Variants in PUS10 observed in about 807,000 individuals in gnomAD.
PUS10 encodes tRNA pseudouridine synthase Pus10.
PUS10 carries 59 observed loss-of-function variants against 75.0 expected under a neutral mutation model. The observed-to-expected ratio is 0.79, with a 90% CI of 0.64 to 0.98. The LOEUF (loss-of-function observed/expected upper bound fraction) is 0.98. Among genes scored for constraint, PUS10 ranks in the 50% least tolerant of loss-of-function variants. The pLI, the probability that PUS10 is intolerant of heterozygous loss-of-function variation, is 0.00. For missense variants in PUS10, 650 were observed against 614.4 expected, an observed-to-expected ratio of 1.06 and a Z score of -0.61; for synonymous variants, 219 against 211.6, an observed-to-expected ratio of 1.03 and a Z score of -0.30.
chr2:60,967,597 G>C lies in PUS10; in HGVS notation c.520C>G (p.Leu174Val). The C allele has an allele frequency of 1.9e-6, 3 of 1,601,902 alleles. No individual in the cohort carries two copies. The highest frequency in any genetic ancestry group is 2.6e-6 in the Non-Finnish European group (3 of 1,174,962). Residue 174 changes from leucine (L) to valine (V), a missense_variant, in exon 6 of 18, where the codon CTG becomes GTG. Leu to Val is a conservative substitution (Grantham distance 32). Transcript: ENST00000316752. Reference protein sequence around the residue: ...KQEMGKQSLSLGRDDIVQLKE... With the variant: ...KQEMGKQSLSVGRDDIVQLKE... ...AGCTGAACTATATCATCTCTTCCCA[G>C]CGACAGACTCTGCTTTCTGAATAAC...
rs577306644 is a variant in PUS10 at position 60,950,566 on chromosome 2, C to T, written c.1309-2381G>A. The stretch of plus-strand genomic sequence containing the variant: ...CCAAGTAGCTGGGACTACAGGCATG[C>T]GCCACCACACCTGGCTAATTTTTTG... On this transcript the variant is annotated intron_variant, in intron 15 of 17. Coordinates refer to ENST00000316752, the MANE Select transcript of PUS10 (RefSeq NM_144709.4). Among the ~76,000 whole-genome samples, 75 of 152,172 alleles carry T rather than the reference C, an allele frequency of 4.9e-4. 2 individuals carry two copies. Among genetic ancestry groups the T allele is most frequent in the African/African-American group, 1.1e-3 (47 of 41,508 alleles).
intron 4 of PUS10, among the ~76,000 whole-genome samples, chr2:60,993,676 A>C (rs781747805): frequency 1.3e-5 from 2 of 152,198 alleles, no homozygotes; most frequent in Non-Finnish European, 2.9e-5. Context: ...AATATCAGTG[A>C]GGAAAAATAT....
intron 8 of PUS10, 60 bp from the exon 9 acceptor site, chr2:60,962,950 C>G: frequency 1.3e-6 from 2 of 1,490,082 alleles, no homozygotes; most frequent in Non-Finnish European, 1.8e-6. Flanking sequence ...AAACATCAGA[C>G]GTGAAACACA....
chr2:60,970,368 G>A (rs1312091776), intron 5 of PUS10, among the ~76,000 whole-genome samples: 1 of 152,094 alleles, frequency 6.6e-6, no homozygotes, highest in Non-Finnish European at 1.5e-5. Flanking sequence ...ACTTAACCAA[G>A]TATGAGATTC....
chr2:60,946,012 C>T (rs774537646), intron 16 of PUS10, among the ~76,000 whole-genome samples: 2 of 152,114 alleles, frequency 1.3e-5, no homozygotes, highest in Non-Finnish European at 2.9e-5. Flanking sequence ...ACTTTCTGAA[C>T]GTTTTACTCA....
At chr2:60,962,605 TA>T (rs373067003) in intron 9 of PUS10, among the ~76,000 whole-genome samples, 1,826 of 150,636 alleles carry the variant, frequency 0.012, 17 homozygotes, top group Non-Finnish European at 0.019. Flanking sequence ...AAGTATTTTT[TA>T]AAAAAAAAAG....
intron 5 of PUS10, among the ~76,000 whole-genome samples, chr2:60,968,523 A>G (rs1676476142): frequency 6.6e-6 from 1 of 152,150 alleles, no homozygotes; most frequent in South Asian, 2.1e-4. Context: ...CCTTATAGGC[A>G]ACATCCATTG....
intron 2 of PUS10, among the ~76,000 whole-genome samples, 172 bp downstream of exon 2, chr2:61,011,593 C>A (rs1679598427): frequency 6.6e-6 from 1 of 152,100 alleles, no homozygotes. Context: ...TAAGAAGGAA[C>A]TTACATTTCT....
chr2:60,951,374 C>G (rs10208309), intron 15 of PUS10, among the ~76,000 whole-genome samples: 33,752 of 152,010 alleles, frequency 0.22, 3,910 homozygotes, highest in Middle Eastern at 0.37. Flanking sequence ...TTATTTCTAT[C>G]ATTATTACAC....
intron 1 of PUS10, among the ~76,000 whole-genome samples, chr2:61,012,213 G>A (rs1228553016): frequency 6.6e-6 from 1 of 152,066 alleles, no homozygotes; most frequent in African/African-American, 2.4e-5. Flanking sequence ...TTCTGAGGAG[G>A]GTAATGAAAA....
intron 4 of PUS10, among the ~76,000 whole-genome samples, chr2:60,997,788 T>C (rs1366798998): frequency 6.6e-6 from 1 of 152,162 alleles, no homozygotes; most frequent in Non-Finnish European, 1.5e-5. Context: ...ATATAGGAAC[T>C]GAAGGGAGTT....
intron 15 of PUS10, 108 bp from the exon 16 acceptor site, chr2:60,948,293 A>G (rs1675115022): frequency 9.5e-7 from 1 of 1,051,332 alleles, no homozygotes; most frequent in Non-Finnish European, 1.4e-6. Flanking sequence ...TGCTTCCTTG[A>G]GAGAACTAAA....
chr2:60,952,150 A>G (rs969831664), intron 15 of PUS10, among the ~76,000 whole-genome samples: 2 of 152,130 alleles, frequency 1.3e-5, no homozygotes, highest in Non-Finnish European at 2.9e-5. Context: ...CCAGGCCAAC[A>G]TGGCAAAACC....
chr2:61,009,816 T>C (rs1356124309), intron 2 of PUS10: 1 of 152,354 alleles, frequency 6.6e-6, no homozygotes, highest in Non-Finnish European at 1.5e-5. Context: ...GACAATTTAC[T>C]GACTGTAAAG....
intron 15 of PUS10, among the ~76,000 whole-genome samples, chr2:60,950,897 T>G (rs1036538394): frequency 1.3e-5 from 2 of 152,194 alleles, no homozygotes; most frequent in Non-Finnish European, 2.9e-5. Flanking sequence ...GTTCAGTATA[T>G]TTTAAATTTT....
chr2:60,983,915 T>C (rs1677564779), intron 4 of PUS10, among the ~76,000 whole-genome samples: 1 of 151,410 alleles, frequency 6.6e-6, no homozygotes, highest in Non-Finnish European at 1.5e-5. Flanking sequence ...AAGACAAACA[T>C]TAAACACACA....
At chr2:60,954,384 C>T (rs1390910242) in intron 12 of PUS10, among the ~76,000 whole-genome samples, 2 of 152,126 alleles carry the variant, frequency 1.3e-5, no homozygotes, top group Non-Finnish European at 2.9e-5. Context: ...TGACTGCTTC[C>T]CCAAAGGCCC....
At chr2:61,015,617 C>G (rs1251750492) in intron 1 of PUS10, among the ~76,000 whole-genome samples, 2 of 152,174 alleles carry the variant, frequency 1.3e-5, no homozygotes, top group South Asian at 2.1e-4. Flanking sequence ...GAGAATCGCC[C>G]GAACCCAGGA....
At chr2:60,984,248 T>C (rs1255499693) in intron 4 of PUS10, among the ~76,000 whole-genome samples, 2 of 152,334 alleles carry the variant, frequency 1.3e-5, no homozygotes, top group East Asian at 3.8e-4. Context: ...ATAGTCACTA[T>C]GTCCAAAGAG....
Sources: allele counts gnomAD v4.1 joint callset (sites outside exome capture counted in the v4.1 genomes callset), GRCh38; gene constraint gnomAD v4.1.1; transcripts MANE v1.5; gene names NCBI Gene and HGNC (gene_info 2026-07-23, HGNC 2026-07-21).